Variants in PRKCA observed in about 807,000 individuals in gnomAD.
PRKCA encodes protein kinase C alpha type.
A neutral mutation model predicts 87.0 loss-of-function variants in PRKCA; 27 were observed. That is an observed-to-expected ratio of 0.31 (90% CI 0.23 to 0.43). The LOEUF (loss-of-function observed/expected upper bound fraction) is 0.43. Ranked by LOEUF, PRKCA falls within the 20% of genes least tolerant of loss-of-function variation. The pLI, the probability that PRKCA is intolerant of heterozygous loss-of-function variation, is 1.00. For missense variants in PRKCA, 518 were observed against 852.3 expected, an observed-to-expected ratio of 0.61 and a Z score of 4.88; for synonymous variants, 329 against 311.1, an observed-to-expected ratio of 1.06 and a Z score of -0.61.
intron 2 of PRKCA, among the ~76,000 whole-genome samples, chr17:66,459,730 G>A (rs1249827999): frequency 2.0e-5 from 3 of 152,134 alleles, no homozygotes; most frequent in African/African-American, 7.2e-5. Context: ...ACTCCATCGG[G>A]GGTGCTTTTA....
chr17:66,725,890 C>G (rs1350212232), intron 8 of PRKCA, among the ~76,000 whole-genome samples: 2 of 151,774 alleles, frequency 1.3e-5, no homozygotes, highest in South Asian at 2.1e-4. Context: ...TTGAGAAGTT[C>G]ATTCCTGAAG....
At chr17:66,418,913 G>C (rs1043703174) in intron 2 of PRKCA, among the ~76,000 whole-genome samples, 1 of 147,314 alleles carries the variant, frequency 6.8e-6, no homozygotes, top group Non-Finnish European at 1.5e-5. Context: ...CATCACGCCC[G>C]GCTAATTTTT....
chr17:66,326,256 A>T (rs1321719168), intron 2 of PRKCA, among the ~76,000 whole-genome samples: 1 of 152,126 alleles, frequency 6.6e-6, no homozygotes, highest in East Asian at 1.9e-4. Context: ...GATTTTTGTG[A>T]CATTTCATAA....
At chr17:66,652,058 A>C (rs8077175) in intron 5 of PRKCA, among the ~76,000 whole-genome samples, 7,797 of 152,210 alleles carry the variant, frequency 0.051, 676 homozygotes, top group African/African-American at 0.18. Context: ...TCCTGGATTC[A>C]AGCGATTCTC....
intron 3 of PRKCA, among the ~76,000 whole-genome samples, chr17:66,512,947 C>T (rs1181614112): frequency 1.3e-5 from 2 of 152,214 alleles, no homozygotes; most frequent in East Asian, 3.8e-4. Context: ...CCTGCCTCTG[C>T]CTCCCAAAGT....
At chr17:66,387,828 G>A (rs894917950) in intron 2 of PRKCA, among the ~76,000 whole-genome samples, 1 of 152,214 alleles carries the variant, frequency 6.6e-6, no homozygotes, top group African/African-American at 2.4e-5. Flanking sequence ...TTGACATGGC[G>A]ATTGGAGCCC....
intron 2 of PRKCA, among the ~76,000 whole-genome samples, chr17:66,387,969 C>G (rs1910154315): frequency 6.6e-6 from 1 of 152,224 alleles, no homozygotes; most frequent in East Asian, 1.9e-4. Flanking sequence ...TTCAAGATGT[C>G]TAGACCTTTG....
chr17:66,514,726 G>T (rs1044870312), intron 3 of PRKCA, among the ~76,000 whole-genome samples: 16 of 151,984 alleles, frequency 1.1e-4, no homozygotes, highest in African/African-American at 3.9e-4. Context: ...AGCAGGAGGT[G>T]AGCCAAAGGT....
chr17:66,573,205 C>T (rs1191524628), intron 3 of PRKCA, among the ~76,000 whole-genome samples: 2 of 152,180 alleles, frequency 1.3e-5, no homozygotes, highest in Non-Finnish European at 2.9e-5. Flanking sequence ...GTGAGTTCAG[C>T]AGTTGTCAGT....
chr17:66,352,249 A>G (rs1178750227), intron 2 of PRKCA, among the ~76,000 whole-genome samples: 1 of 152,098 alleles, frequency 6.6e-6, no homozygotes, highest in Non-Finnish European at 1.5e-5. Context: ...ACAGTACCCT[A>G]TTTCCTTTAT....
chr17:66,374,157 A>G (rs1909276387), intron 2 of PRKCA, among the ~76,000 whole-genome samples: 1 of 152,100 alleles, frequency 6.6e-6, no homozygotes, highest in Non-Finnish European at 1.5e-5. Context: ...CAGGGTCTGC[A>G]TCCAGGGCTC....
At chr17:66,427,271 A>G (rs758210805) in intron 2 of PRKCA, among the ~76,000 whole-genome samples, 2 of 152,174 alleles carry the variant, frequency 1.3e-5, no homozygotes, top group African/African-American at 2.4e-5. Context: ...AGCTCAGGCA[A>G]TCCACCCGCC....
At chr17:66,459,961 G>C (rs963103620) in intron 2 of PRKCA, among the ~76,000 whole-genome samples, 1 of 152,284 alleles carries the variant, frequency 6.6e-6, no homozygotes, top group South Asian at 2.1e-4. Context: ...CCGCAGTCTC[G>C]AAGGATGAAT....
intron 16 of PRKCA, among the ~76,000 whole-genome samples, chr17:66,791,780 T>C (rs549454573): frequency 8.5e-5 from 13 of 152,258 alleles, no homozygotes; most frequent in Non-Finnish European, 1.5e-4. Context: ...GCAACCAAAG[T>C]CGAAGCTGCA....
chr17:66,308,294 G>A (rs1011890007), intron 2 of PRKCA, among the ~76,000 whole-genome samples: 5 of 152,136 alleles, frequency 3.3e-5, no homozygotes, highest in African/African-American at 1.2e-4. Flanking sequence ...TACCAGTGAA[G>A]ATATCGGGTA....
At chr17:66,496,137 G>T in intron 2 of PRKCA, 64 bp from the exon 3 acceptor site, 1 of 1,310,118 alleles carries the variant, frequency 7.6e-7, no homozygotes, top group Non-Finnish European at 1.1e-6. Flanking sequence ...ATCTCTGTTT[G>T]GAAAATAAAG....
At chr17:66,746,409 A>T (rs186516154) in intron 13 of PRKCA, among the ~76,000 whole-genome samples, 1 of 152,158 alleles carries the variant, frequency 6.6e-6, no homozygotes, top group Non-Finnish European at 1.5e-5. Flanking sequence ...ATAGAGAAAG[A>T]TCAGATAGGT....
chr17:66,651,016 G>A (rs898076982), intron 5 of PRKCA, among the ~76,000 whole-genome samples: 2 of 152,160 alleles, frequency 1.3e-5, no homozygotes, highest in Non-Finnish European at 2.9e-5. Context: ...ATTGGCGGGT[G>A]CTGTACCTGC....
At chr17:66,719,626 G>A (rs28679319) in intron 8 of PRKCA, among the ~76,000 whole-genome samples, 5,635 of 152,280 alleles carry the variant, frequency 0.037, 333 homozygotes, top group African/African-American at 0.12. Flanking sequence ...AATTAGCCAG[G>A]CATGGTGACA....
Sources: allele counts gnomAD v4.1 joint callset (sites outside exome capture counted in the v4.1 genomes callset), GRCh38; gene constraint gnomAD v4.1.1; transcripts MANE v1.5; gene names NCBI Gene and HGNC (gene_info 2026-07-23, HGNC 2026-07-21).